FUBP3: variants seen among roughly 807,000 people sequenced by gnomAD.
FUBP3 encodes the protein far upstream element-binding protein 3.
Under a neutral mutation model 85.6 loss-of-function variants are expected in FUBP3, and 28 were observed. The ratio of observed to expected loss-of-function variants is 0.33; its 90% CI spans 0.24 to 0.45. FUBP3 has a LOEUF of 0.45. Ranked by LOEUF, FUBP3 falls within the 20% of genes least tolerant of loss-of-function variation. The probability of loss-of-function intolerance (pLI) is 1.00; values close to 1 mark genes in which losing one functional copy is unlikely to be tolerated. For missense variants in FUBP3, 583 were observed against 755.1 expected, an observed-to-expected ratio of 0.77 and a Z score of 2.67; for synonymous variants, 271 against 271.4, an observed-to-expected ratio of 1.00 and a Z score of 0.01.
At chr9:130,592,895 T>TG (rs1465858266) in intron 1 of FUBP3, among the ~76,000 whole-genome samples, 1 of 152,176 alleles carries the variant, frequency 6.6e-6, no homozygotes, top group Non-Finnish European at 1.5e-5. Flanking sequence ...GCTTAAGACT[T>TG]GCAGTAGCTG....
chr9:130,637,288 C>T lies in FUBP3; in HGVS notation c.*266C>T. 2.0e-6 allele frequency: 1 copy of T among 494,720 alleles called. No individual in the cohort carries two copies. The highest frequency in any genetic ancestry group is 2.5e-5 in the South Asian group (1 of 40,612). 30.6% of individuals were successfully genotyped at this position (494,720 alleles called of 1,614,324 possible). A position where few individuals can be genotyped will look rare whatever the true frequency, so the allele number is the denominator to read the frequency against. ...GGAGCAATACCTACAAAGTCAGGCA[C>T]CAGAATGTGCCTCAGAGCTGTGACA... is the stretch of plus-strand genomic sequence containing the variant. On this transcript the variant is annotated 3_prime_UTR_variant, in exon 19 of 19. Transcript: ENST00000319725.
rs529572508 is a variant in FUBP3, at chr9:130,638,178, G to A, written c.*1156G>A. ...AAATGTACTGAAGTTACAGTTTCTG[G>A]TTTTTTCTCCTTATTTTTCTTATAA... is the stretch of plus-strand genomic sequence containing the variant. On this transcript the variant is annotated 3_prime_UTR_variant, in exon 19 of 19. Coordinates refer to ENST00000319725, the MANE Select transcript of FUBP3 (RefSeq NM_003934.2). 1 of 152,450 alleles carries A rather than the reference G, an allele frequency of 6.6e-6. No homozygotes were observed. The highest frequency in any genetic ancestry group is 2.4e-5 in the African/African-American group (1 of 41,386). 9.4% of individuals were successfully genotyped at this position (152,450 alleles called of 1,614,324 possible).
chr9:130,598,143 C>T (rs1564196775), intron 2 of FUBP3, among the ~76,000 whole-genome samples: 2 of 152,182 alleles, frequency 1.3e-5, no homozygotes, highest in Non-Finnish European at 2.9e-5. Context: ...CTGCCTGTGA[C>T]CCAGTTCTCT....
At chr9:130,586,421 A>G (rs1442785374) in intron 1 of FUBP3, among the ~76,000 whole-genome samples, 1 of 152,170 alleles carries the variant, frequency 6.6e-6, no homozygotes, top group Non-Finnish European at 1.5e-5. Context: ...TTGTAAATTG[A>G]GACAGGATCT....
chr9:130,613,017 G>C lies in FUBP3; in HGVS notation c.336G>C (p.Gln112His). The change falls in exon 5 of 19, where the codon CAG becomes CAC. Residue 112 changes from glutamine to histidine, a missense_variant. Around this residue, in one of 3 missense-constraint regions of FUBP3, gnomAD observed 177 missense variants for 221.9 expected, o/e 0.80. Transcript: ENST00000319725. The stretch of plus-strand genomic sequence containing the variant: ...AAGCAGAATCTGGTTGCAAAATTCA[G>C]ATTGCTTCAGGTAAGGGCTTTTTAA... ...RIQAESGCKIQIASESSGIPE... is the reference protein window; with the variant it reads ...RIQAESGCKIHIASESSGIPE... 1.2e-6 allele frequency: 2 copies of C among 1,604,784 alleles called. No individual in the cohort carries two copies. Among genetic ancestry groups the C allele is most frequent in the African/African-American group, 1.3e-5 (1 of 74,878 alleles).
rs1588144791 is a variant in FUBP3 at position 130,614,462 on chromosome 9, A to G, written c.404+117A>G. 4.8e-6 allele frequency: 3 copies of G among 624,924 alleles called. No homozygotes were observed. In the East Asian group the frequency reaches 8.3e-5, roughly 17 times the overall value. 38.7% of individuals were successfully genotyped at this position (624,924 alleles called of 1,614,324 possible). A position where few individuals can be genotyped will look rare whatever the true frequency, so the allele number is the denominator to read the frequency against. On this transcript the variant is annotated intron_variant, in intron 6 of 18. Coordinates refer to ENST00000319725, the MANE Select transcript of FUBP3 (RefSeq NM_003934.2). ...AGTCTGTGCTGCAGTCTGGCCACAC[A>G]GGTAGATAATTCCATAGGAAAAAAA...
Position 130,612,889 on chromosome 9 carries a change from C to A in FUBP3, c.275-67C>A. On this transcript the variant is annotated intron_variant, in intron 4 of 18. Transcript: ENST00000319725. This position sits in a 1 kb window ranked among gnomAD's most constrained non-coding sequence, Gnocchi z 4.1. Reference sequence around the variant, plus strand: ...AGTGTCACAGTTTGTGGAATTAATTCAGTCATTCCTGCGTGGTGAAATATG... The same window carrying A: ...AGTGTCACAGTTTGTGGAATTAATTAAGTCATTCCTGCGTGGTGAAATATG... 9.5e-7 allele frequency: 1 copy of A among 1,054,122 alleles called. No individual in the cohort carries two copies. Among genetic ancestry groups the A allele is most frequent in the South Asian group, 1.3e-5 (1 of 77,584 alleles). 65.3% of individuals were successfully genotyped at this position (1,054,122 alleles called of 1,614,324 possible).
rs1829701316 is a variant in FUBP3, at chr9:130,620,435, C to G, written c.748C>G (p.Arg250Gly). ...FRGVRGDFNS[R>G]MGGGSIEVSV... ...GGGTGTACGCGGCGATTTCAACTCT[C>G]GAATGGGAGGAGGCAGTATAGAGGT... The change falls in exon 9 of 19, where the codon CGA (arginine) becomes GGA (glycine). Residue 250 changes from arginine (R) to glycine (G), a missense_variant. Physicochemically the swap from Arg to Gly is moderately radical, Grantham distance 125. Transcript: ENST00000319725. 1 of 1,593,280 alleles carries G rather than the reference C, an allele frequency of 6.3e-7. No individual in the cohort carries two copies. The highest frequency in any genetic ancestry group is 1.1e-5 in the South Asian group (1 of 89,126).
intron 9 of FUBP3, among the ~76,000 whole-genome samples, 171 bp downstream of exon 9, chr9:130,620,629 T>C (rs1564214746): frequency 6.6e-6 from 1 of 152,176 alleles, no homozygotes; most frequent in Non-Finnish European, 1.5e-5. Flanking sequence ...AGCAGCAGCC[T>C]GCAGTGAGGG....
intron 2 of FUBP3, among the ~76,000 whole-genome samples, chr9:130,603,301 C>T (rs549271872): frequency 1.4e-5 from 2 of 138,146 alleles, no homozygotes; most frequent in South Asian, 2.3e-4. Context: ...GAGCTGAAAC[C>T]GTGTCACTGC....
chr9:130,589,697 A>ATTTTTT (rs1350487553), intron 1 of FUBP3, among the ~76,000 whole-genome samples: 3 of 29,964 alleles, frequency 1.0e-4, no homozygotes, highest in African/African-American at 4.8e-4. Context: ...ATATATATAT[A>ATTTTTT]TATATATATT....
intron 6 of FUBP3, among the ~76,000 whole-genome samples, chr9:130,614,753 C>G (rs1370063395): frequency 6.6e-6 from 1 of 152,196 alleles, no homozygotes; most frequent in Non-Finnish European, 1.5e-5. Flanking sequence ...GATCCCGTTA[C>G]CCTTCTGATA....
chr9:130,626,551 T>A, intron 12 of FUBP3, 46 bp downstream of exon 12: 1 of 1,598,260 alleles, frequency 6.3e-7, no homozygotes, highest in Non-Finnish European at 8.6e-7. Context: ...CTGTTTGGCT[T>A]GAGGGAAGGC....
chr9:130,620,400 C>A lies in FUBP3; in HGVS notation c.713C>A (p.Ala238Asp). Residue 238 changes from alanine to aspartate, a missense_variant, in exon 9 of 19, where the codon GCT becomes GAT. Ala to Asp is a moderately radical substitution (Grantham distance 126, BLOSUM62 -2). Transcript: ENST00000319725. ...GAGATTATCCGAGAAAAAGACCAAG[C>A]TGACTTTCGGGGTGTACGCGGCGAT... ...VLEIIREKDQ[A>D]DFRGVRGDFN... The A allele has an allele frequency of 6.2e-7, 1 of 1,605,720 alleles. No individual in the cohort carries two copies. The highest frequency in any genetic ancestry group is 8.5e-7 in the Non-Finnish European group (1 of 1,175,526).
At chr9:130,607,557 T>C (rs1831522464) in intron 2 of FUBP3, among the ~76,000 whole-genome samples, 1 of 152,098 alleles carries the variant, frequency 6.6e-6, no homozygotes, top group Non-Finnish European at 1.5e-5. Flanking sequence ...TTCCATTCAA[T>C]TGAATATGAT....
intron 13 of FUBP3, 140 bp from the exon 14 acceptor site, chr9:130,631,417 G>A (rs1471305280): frequency 2.6e-5 from 34 of 1,288,018 alleles, no homozygotes; most frequent in Non-Finnish European, 3.4e-5. Flanking sequence ...TGGGAAGGAA[G>A]GCTAGTGTGA....
intron 12 of FUBP3, 65 bp from the exon 13 acceptor site, chr9:130,630,563 C>A: frequency 1.5e-6 from 2 of 1,338,808 alleles, no homozygotes; most frequent in South Asian, 1.5e-5. Flanking sequence ...GAGCCAAGTG[C>A]CCCAGAGCCT....
chr9:130,614,363 A>C lies in FUBP3; in HGVS notation c.404+18A>C, dbSNP rs760169894. ...AGTATTGAGTAAGTTTATTTTATTTACTTTTTCTTTCACTCTTCTTCCTCC... is the reference window on the plus strand; with the variant it reads ...AGTATTGAGTAAGTTTATTTTATTTCCTTTTTCTTTCACTCTTCTTCCTCC... On this transcript the variant is annotated intron_variant, in intron 6 of 18. Transcript: ENST00000319725. The C allele has an allele frequency of 3.9e-6, 6 of 1,523,180 alleles. No homozygotes were observed. 94.4% of individuals were successfully genotyped at this position (1,523,180 alleles called of 1,614,324 possible). A position where few individuals can be genotyped will look rare whatever the true frequency, so the allele number is the denominator to read the frequency against.
chr9:130,619,967 C>CTGCT (rs1829672740), intron 8 of FUBP3, among the ~76,000 whole-genome samples: 1 of 152,196 alleles, frequency 6.6e-6, no homozygotes, highest in Non-Finnish European at 1.5e-5. Context: ...CGCTCTTAGA[C>CTGCT]ACCCCTTCCT....
Sources: gnomAD v4.1 joint callset for allele counts (sites outside exome capture counted in the v4.1 genomes callset) on GRCh38, gnomAD v4.1.1 for gene constraint, gnomAD v4.1.1 regional missense constraint, Gnocchi (gnomAD v3.1) non-coding constraint, MANE v1.5 for transcripts, NCBI Gene and HGNC (gene_info 2026-07-23, HGNC 2026-07-21) for gene names.